The following CXADR variants were observed in gnomAD, a reference collection of about 807,000 sequenced individuals.
CXADR encodes the protein CXADR cell adhesion molecule.
In CXADR, 20 loss-of-function variants were observed where a neutral mutation model predicts 40.3. The observed-to-expected ratio is 0.50, with a 90% CI of 0.35 to 0.72. CXADR has a LOEUF of 0.72. CXADR is among the 30% of genes least tolerant of loss of function. The pLI is 0.01. For missense variants in CXADR, 332 were observed against 449.1 expected, an observed-to-expected ratio of 0.74 and a Z score of 2.36; for synonymous variants, 150 against 161.3, an observed-to-expected ratio of 0.93 and a Z score of 0.53.
At chr21:17,626,972 A>G in the CXADR span, 1 of 152,212 alleles carries the variant, frequency 6.6e-6, no homozygotes, top group African/African-American at 2.4e-5. Context: ...AAGAGACAAG[A>G]AGGAAAGTTT....
intron 2 of CXADR, among the ~76,000 whole-genome samples, chr21:17,551,324 C>T (rs1435450916): frequency 2.0e-5 from 3 of 148,616 alleles, no homozygotes; most frequent in Admixed American, 6.7e-5. Flanking sequence ...TGCTTGAACC[C>T]GGGAGGTGGA....
intron 7 of CXADR, among the ~76,000 whole-genome samples, chr21:17,584,564 G>A (rs1380031368): frequency 6.6e-6 from 1 of 152,234 alleles, no homozygotes; most frequent in Non-Finnish European, 1.5e-5. Context: ...GGGCGTGATG[G>A]CTCACGTCTG....
At chr21:17,624,895 A>G in the CXADR span, among the ~76,000 whole-genome samples, 30,127 of 152,100 alleles carry the variant, frequency 0.2, 3,626 homozygotes, top group African/African-American at 0.32. Flanking sequence ...ACCAGATCCT[A>G]TCAGCCTTTC....
chr21:17,550,264 G>A (rs1227116964), intron 2 of CXADR, among the ~76,000 whole-genome samples: 1 of 150,412 alleles, frequency 6.6e-6, no homozygotes. Context: ...TGAGGCAGGA[G>A]AATCGCTTTA....
At chr21:17,528,070 T>G (rs866181327) in intron 1 of CXADR, among the ~76,000 whole-genome samples, 174 of 82,898 alleles carry the variant, frequency 2.1e-3, no homozygotes, top group African/African-American at 0.019. Flanking sequence ...AGTTCTTTCT[T>G]TTTTTTTTTT....
chr21:17,551,680 C>A, intron 2 of CXADR, 69 bp from the exon 3 acceptor site: 1 of 1,381,664 alleles, frequency 7.2e-7, no homozygotes. Context: ...GTATCCAGGG[C>A]TCCTTTAAGA....
At chr21:17,560,923 T>C in intron 5 of CXADR, 99 bp downstream of exon 5, 1 of 1,513,882 alleles carries the variant, frequency 6.6e-7, no homozygotes, top group African/African-American at 1.4e-5. Flanking sequence ...AAAGGGACAC[T>C]GACTTTGATC....
At chr21:17,593,063 A>G in intron 7 of CXADR, 1 of 1,120,638 alleles carries the variant, frequency 8.9e-7, no homozygotes, top group Non-Finnish European at 1.1e-6. Context: ...AGGTGATGGA[A>G]AAAGTATTGC....
intron 1 of CXADR, among the ~76,000 whole-genome samples, chr21:17,531,737 T>C (rs942080252): frequency 6.6e-6 from 1 of 152,180 alleles, no homozygotes; most frequent in Non-Finnish European, 1.5e-5. Flanking sequence ...ATGTGTAAAC[T>C]TAACGATAAG....
At chr21:17,594,960 T>C (rs945271829), downstream of CXADR, among the ~76,000 whole-genome samples, 1 of 151,370 alleles carries the variant, frequency 6.6e-6, no homozygotes, top group African/African-American at 2.4e-5. Flanking sequence ...TGTTTACCTA[T>C]GGAACAAACC....
chr21:17,560,798 G>A lies in CXADR; in HGVS notation c.668G>A (p.Cys223Tyr). ...TVRNRVGSDQ[C>Y]LLRLNVVPPS... The stretch of plus-strand genomic sequence containing the variant: ...AGAAACAGAGTGGGCTCTGATCAGT[G>A]CCTGTTGCGTCTAAACGTTGTCCCT... The change falls in exon 5 of 7, where the codon TGC becomes TAC. Residue 223 changes from cysteine (C) to tyrosine (Y), a missense_variant. By Grantham distance (194) the Cys-to-Tyr change is radical (BLOSUM62 -2). Around this residue, in one of 3 missense-constraint regions of CXADR, gnomAD observed 150 missense variants for 194.2 expected, o/e 0.77. Coordinates refer to ENST00000284878, the MANE Select transcript of CXADR (RefSeq NM_001338.5). 6.2e-7 allele frequency: 1 copy of A among 1,613,874 alleles called. No individual in the cohort carries two copies. Among genetic ancestry groups the A allele is most frequent in the Non-Finnish European group, 8.5e-7 (1 of 1,179,892 alleles).
intron 3 of CXADR, among the ~76,000 whole-genome samples, chr21:17,558,565 A>T (rs1216960761): frequency 6.6e-6 from 1 of 152,094 alleles, no homozygotes; most frequent in Non-Finnish European, 1.5e-5. Flanking sequence ...GCCTAGAGGG[A>T]TGTGACTTGG....
intron 2 of CXADR, among the ~76,000 whole-genome samples, chr21:17,548,948 A>G (rs914452032): frequency 1.3e-5 from 2 of 152,228 alleles, no homozygotes; most frequent in Non-Finnish European, 2.9e-5. Flanking sequence ...AAGAGGATGC[A>G]TACATGGAAT....
the CXADR span, chr21:17,609,061 C>G: frequency 1.2e-6 from 2 of 1,614,116 alleles, no homozygotes; most frequent in South Asian, 2.2e-5. Context: ...CAGCAAACCT[C>G]TCAACTGCCT....
In CXADR at chr21:17,565,562, G is replaced by A. The variant is rs376434359; in HGVS notation, c.968G>A (p.Ser323Asn). ...YSKTQYNQVP[S>N]EDFERTPQSP... ...AAGACTCAGTATAACCAAGTACCAA[G>A]TGAAGACTTTGAACGCACTCCTCAG... The change falls in exon 7 of 7, where the codon AGT (serine) becomes AAT (asparagine). Residue 323 changes from serine (S) to asparagine (N), a missense_variant. Physicochemically the swap from Ser to Asn is conservative, Grantham distance 46. This residue lies in a region of CXADR where 150 missense variants were observed against 194.2 expected (regional missense o/e 0.77). Transcript: ENST00000284878. 13 of 1,613,704 alleles carry A rather than the reference G, an allele frequency of 8.1e-6. No individual in the cohort carries two copies. In the African/African-American group the frequency reaches 1.3e-4, roughly 17 times the overall value.
chr21:17,522,460 T>C (rs1272432292), intron 1 of CXADR, among the ~76,000 whole-genome samples: 1 of 152,192 alleles, frequency 6.6e-6, no homozygotes, highest in African/African-American at 2.4e-5. Context: ...TATTTTTCTT[T>C]ATTAACCAGA....
intron 3 of CXADR, among the ~76,000 whole-genome samples, chr21:17,557,280 C>T (rs891445564): frequency 3.3e-5 from 5 of 152,120 alleles, no homozygotes; most frequent in South Asian, 2.1e-4. Flanking sequence ...TAGTGTTGCC[C>T]GCAGACCCAC....
intron 7 of CXADR, among the ~76,000 whole-genome samples, chr21:17,578,814 A>C (rs1283197564): frequency 6.6e-6 from 1 of 152,146 alleles, no homozygotes; most frequent in Non-Finnish European, 1.5e-5. Context: ...AGAGCAAAAG[A>C]CCTTGTCTTC....
intron 1 of CXADR, among the ~76,000 whole-genome samples, chr21:17,544,714 A>G (rs7283772): frequency 0.22 from 34,063 of 152,144 alleles, 3,935 homozygotes; most frequent in African/African-American, 0.27. Flanking sequence ...AAAGCTGGGC[A>G]GGCCTCAGGT....
Sources: allele counts gnomAD v4.1 joint callset (sites outside exome capture counted in the v4.1 genomes callset), GRCh38; gene constraint gnomAD v4.1.1; regional missense constraint gnomAD v4.1.1; transcripts MANE v1.5; gene names NCBI Gene and HGNC (gene_info 2026-07-23, HGNC 2026-07-21).